IL17RA: variants seen among roughly 807,000 people sequenced by gnomAD.
IL17RA encodes interleukin-17 receptor A.
A neutral mutation model predicts 50.4 loss-of-function variants in IL17RA; 34 were observed. The ratio of observed to expected loss-of-function variants is 0.67; its 90% confidence interval spans 0.51 to 0.90. The LOEUF is 0.90. IL17RA is among the 40% of genes least tolerant of loss of function. IL17RA has a pLI of 0.00. For synonymous variants in IL17RA, 585 were observed against 510.4 expected (o/e 1.15, Z -1.97); for missense variants, 1,276 against 1,169.8 (o/e 1.09, Z -1.32).
chr22:17,104,912 A>G (rs1421106632), intron 9 of IL17RA, 102 bp downstream of exon 9: 1 of 1,105,908 alleles, frequency 9.0e-7, no homozygotes, highest in African/African-American at 1.6e-5. Context: ...GTGATTAGGG[A>G]GGAGAGTTTA....
chr22:17,085,363 T>G, intron 1 of IL17RA, 134 bp downstream of exon 1: 1 of 1,422,824 alleles, frequency 7.0e-7, no homozygotes, highest in Non-Finnish European at 9.2e-7. Flanking sequence ...TTAGAGGGGC[T>G]CAGAGCCTTG....
At position 17,109,665 on chromosome 22, in the gene IL17RA, G is replaced by A. The variant is rs1404382349; in HGVS notation, c.2446G>A (p.Glu816Lys). The A allele has an allele frequency of 3.7e-6, 6 of 1,603,678 alleles. No homozygotes were observed. Among genetic ancestry groups the A allele is most frequent in the Non-Finnish European group, 3.4e-6 (4 of 1,175,978 alleles). Reference protein sequence around the residue: ...EGLTEMEEEEEEEQDPGKPAL... With the variant: ...EGLTEMEEEEKEEQDPGKPAL... ...ACTCACGGAAATGGAGGAAGAGGAG[G>A]AAGAGGAGCAGGACCCAGGGAAGCC... Residue 816 changes from glutamate (E) to lysine (K), a missense_variant, in exon 13 of 13, where the codon GAA becomes AAA. Coordinates refer to ENST00000319363, the MANE Select transcript of IL17RA (RefSeq NM_014339.7).
At chr22:17,087,246 C>T (rs373713334) in intron 1 of IL17RA, among the ~76,000 whole-genome samples, 1 of 152,320 alleles carries the variant, frequency 6.6e-6, no homozygotes, top group East Asian at 1.9e-4. Context: ...CAGAGGTGGC[C>T]AGAGGACCTG....
chr22:17,106,767 T>C (rs1034242244), intron 11 of IL17RA, among the ~76,000 whole-genome samples: 5 of 152,168 alleles, frequency 3.3e-5, no homozygotes, highest in Non-Finnish European at 7.3e-5. Context: ...CAGCCAGGCA[T>C]GGGAGGACCT....
At position 17,088,688 on chromosome 22, in the gene IL17RA, A is replaced by G. The variant is rs530182250; in HGVS notation, c.138+3459A>G. 9.5e-4 allele frequency among the ~76,000 whole-genome samples: 144 copies of G among 152,188 alleles called. 1 individual carries two copies. Among genetic ancestry groups the G allele is most frequent in the African/African-American group, 3.2e-3 (132 of 41,510 alleles). ...TTTTTAGTAGAGATGGGGTTTCACCATATTGGCCAGGCTGATCTGGAACTC... is the reference window on the plus strand; with the variant it reads ...TTTTTAGTAGAGATGGGGTTTCACCGTATTGGCCAGGCTGATCTGGAACTC... On this transcript the variant is annotated intron_variant, in intron 1 of 12. Transcript: ENST00000319363.
At chr22:17,105,660 C>G (rs2061411027) in intron 10 of IL17RA, 58 bp downstream of exon 10, 2 of 1,591,682 alleles carry the variant, frequency 1.3e-6, no homozygotes, top group Admixed American at 1.7e-5. Context: ...TCCCCAGTGG[C>G]CACTTGAGAA....
Position 17,091,472 on chromosome 22 carries a change from T to C in IL17RA, c.139-5590T>C, listed in dbSNP as rs75210115. ...CGGGCGGATCACGAGGTCAGGAGAT[T>C]GAGACCATCCTGTCTAACGCAGTGA... On this transcript the variant is annotated intron_variant, in intron 1 of 12. Coordinates refer to ENST00000319363, the MANE Select transcript of IL17RA (RefSeq NM_014339.7). 2.0e-5 allele frequency among the ~76,000 whole-genome samples: 3 copies of C among 152,018 alleles called. No homozygotes were observed. In the South Asian group the frequency reaches 6.2e-4, roughly 32 times the overall value.
intron 1 of IL17RA, among the ~76,000 whole-genome samples, chr22:17,089,581 C>T (rs1335878257): frequency 6.6e-6 from 1 of 152,108 alleles, no homozygotes; most frequent in Non-Finnish European, 1.5e-5. Flanking sequence ...TCTGATTCTG[C>T]TAGTTTTAAA....
rs1182699102 is a variant in IL17RA, at chr22:17,109,504, G to C, written c.2285G>C (p.Cys762Ser). 6 of 1,602,268 alleles carry C rather than the reference G, an allele frequency of 3.7e-6. No homozygotes were observed. The South Asian group carries it at 6.7e-5, about 18-fold the overall frequency. Residue 762 changes from cysteine to serine, a missense_variant, in exon 13 of 13, where the codon TGC becomes TCC. Cys to Ser is a moderately radical substitution (Grantham distance 112, BLOSUM62 -1). Transcript: ENST00000319363. Reference sequence around the variant, plus strand: ...TCGCTCTTCGAGCAGAGTCTGAGCTGCCAGGCCCAGGGGGGCTGCAGTAGA... The same window carrying C: ...TCGCTCTTCGAGCAGAGTCTGAGCTCCCAGGCCCAGGGGGGCTGCAGTAGA... The part of the protein sequence containing the change: ...MLSLFEQSLS[C>S]QAQGGCSRPA...
intron 11 of IL17RA, among the ~76,000 whole-genome samples, 166 bp from the exon 12 acceptor site, chr22:17,107,561 A>G (rs554928948): frequency 6.6e-6 from 1 of 152,322 alleles, no homozygotes; most frequent in East Asian, 1.9e-4. Context: ...GTAGTGGCAG[A>G]CCCAGGACTC....
Position 17,113,227 on chromosome 22 carries a change from C to T in IL17RA, c.*3407C>T, listed in dbSNP as rs1015295063. 1.3e-5 allele frequency: 2 copies of T among 152,180 alleles called. No homozygotes were observed. The highest frequency in any genetic ancestry group is 4.8e-5 in the African/African-American group (2 of 41,426). The allele number at this position is 152,180 out of a possible 1,614,324, so 9.4% of individuals were successfully genotyped here. On this transcript the variant is annotated 3_prime_UTR_variant, in exon 13 of 13. Coordinates refer to ENST00000319363, the MANE Select transcript of IL17RA (RefSeq NM_014339.7). ...TTTGTTTGTTTTTAAGTCAGGGTCT[C>T]TCTGTCACCAGGCTGTATTACAGTG... is the stretch of plus-strand genomic sequence containing the variant.
chr22:17,104,463 T>A (rs1234948887), intron 8 of IL17RA, among the ~76,000 whole-genome samples: 1 of 151,924 alleles, frequency 6.6e-6, no homozygotes, highest in Non-Finnish European at 1.5e-5. Flanking sequence ...GGGGAAAGCT[T>A]GTCCTCTCTG....
Position 17,109,941 on chromosome 22 carries a change from A to G in IL17RA, c.*121A>G, listed in dbSNP as rs1036717349. 1.0e-6 allele frequency: 1 copy of G among 997,092 alleles called. No homozygotes were observed. Among genetic ancestry groups the G allele is most frequent in the Non-Finnish European group, 1.5e-6 (1 of 682,762 alleles). 61.8% of individuals were successfully genotyped at this position (997,092 alleles called of 1,614,324 possible). A position where few individuals can be genotyped will look rare whatever the true frequency, so the allele number is the denominator to read the frequency against. ...TCGTGTGTGAAATGTAGGCTTTAAA[A>G]TGTAAATGTCTGGATTTTAATCCCA... On this transcript the variant is annotated 3_prime_UTR_variant, in exon 13 of 13. Transcript: ENST00000319363.
In IL17RA at chr22:17,114,784, A is replaced by G. The variant is rs1324443508; in HGVS notation, c.*4964A>G. On this transcript the variant is annotated 3_prime_UTR_variant, in exon 13 of 13. Coordinates refer to ENST00000319363, the MANE Select transcript of IL17RA (RefSeq NM_014339.7). ...GGACCCAAGCAACAGCCGACTACCGAAGGTTGCCTGGAGCAGTGCAGATGT... is the reference window on the plus strand; with the variant it reads ...GGACCCAAGCAACAGCCGACTACCGGAGGTTGCCTGGAGCAGTGCAGATGT... 6.6e-6 allele frequency: 1 copy of G among 152,214 alleles called. No homozygotes were observed. The highest frequency in any genetic ancestry group is 1.5e-5 in the Non-Finnish European group (1 of 68,054). The allele number at this position is 152,214 out of a possible 1,614,324, so 9.4% of individuals were successfully genotyped here.
Position 17,110,250 on chromosome 22 carries a change from C to G in IL17RA, c.*430C>G, listed in dbSNP as rs956942809. The G allele has an allele frequency of 2.6e-5, 7 of 268,730 alleles. No individual in the cohort carries two copies. The highest frequency in any genetic ancestry group is 4.6e-5 in the African/African-American group (2 of 43,826). The allele number at this position is 268,730 out of a possible 1,614,324, so 16.6% of individuals were successfully genotyped here. A position where few individuals can be genotyped will look rare whatever the true frequency, so the allele number is the denominator to read the frequency against. On this transcript the variant is annotated 3_prime_UTR_variant, in exon 13 of 13. Transcript: ENST00000319363. ...CGGTGGCTCACGCCTGTAATCCCAG[C>G]ACACTGGGAGGCCGAGGCAGGTGGA...
intron 5 of IL17RA, 121 bp downstream of exon 5, chr22:17,100,602 G>A (rs1202467351): frequency 2.3e-6 from 3 of 1,303,982 alleles, no homozygotes; most frequent in Non-Finnish European, 3.3e-6. Context: ...CAGCACCTGG[G>A]ACCCACAGAA....
intron 1 of IL17RA, among the ~76,000 whole-genome samples, chr22:17,090,733 G>A (rs2061345063): frequency 6.6e-6 from 1 of 152,130 alleles, no homozygotes; most frequent in Admixed American, 6.5e-5. Flanking sequence ...CATGATTTTA[G>A]TTAAATTAAT....
chr22:17,086,146 A>G (rs2061326904), intron 1 of IL17RA, among the ~76,000 whole-genome samples: 1 of 151,866 alleles, frequency 6.6e-6, no homozygotes. Flanking sequence ...GGAAAAAAAC[A>G]AAAAAAGAGC....
rs1555874479 is a variant in IL17RA, at chr22:17,105,717, G to GGC, written c.943+116_943+117insCG. On this transcript the variant is annotated intron_variant, in intron 10 of 12. Coordinates refer to ENST00000319363, the MANE Select transcript of IL17RA (RefSeq NM_014339.7). ...ACAAGGCTGAACCGAGGCCAGCCCG[G>GGC]GGTGGGGGGTGAGACCATGGTTTGT... is the stretch of plus-strand genomic sequence containing the variant. The GGC allele has an allele frequency of 3.0e-6, 4 of 1,354,142 alleles. No homozygotes were observed. In the African/African-American group the frequency reaches 5.6e-5, roughly 19 times the overall value. The allele number at this position is 1,354,142 out of a possible 1,614,324, so 83.9% of individuals were successfully genotyped here.
Sources: gnomAD v4.1 joint callset for allele counts (sites outside exome capture counted in the v4.1 genomes callset) on GRCh38, gnomAD v4.1.1 for gene constraint, MANE v1.5 for transcripts, NCBI Gene and HGNC (gene_info 2026-07-23, HGNC 2026-07-21) for gene names.